Variants in LRRC37B observed in about 807,000 individuals in gnomAD.
LRRC37B encodes the protein leucine rich repeat containing 37B, also known as leucine-rich repeat-containing protein 37B.
LRRC37B carries 28 observed loss-of-function variants against 98.3 expected under a neutral mutation model. That is an observed-to-expected ratio of 0.28 (90% confidence interval 0.21 to 0.39). The LOEUF (loss-of-function observed/expected upper bound fraction) is 0.39. Among genes scored for constraint, LRRC37B ranks in the 10% least tolerant of loss-of-function variants. The probability of loss-of-function intolerance (pLI) is 1.00; values close to 1 mark genes in which losing one functional copy is unlikely to be tolerated. For missense variants in LRRC37B, 938 were observed against 1,182.7 expected (o/e 0.79, Z 3.03); for synonymous variants, 364 against 442.7 (o/e 0.82, Z 2.23).
upstream of LRRC37B, among the ~76,000 whole-genome samples, chr17:32,016,597 A>G (rs1350440149): frequency 6.6e-6 from 1 of 152,228 alleles, no homozygotes; most frequent in Non-Finnish European, 1.5e-5. Context: ...TTGCCTGCAC[A>G]TCAGAATTAT....
upstream of LRRC37B, chr17:32,007,876 G>T: frequency 9.4e-7 from 1 of 1,064,006 alleles, no homozygotes; most frequent in Non-Finnish European, 1.2e-6. The surrounding 1 kb of genome is among the most constrained non-coding windows in gnomAD (Gnocchi z 4.1). Context: ...GGGCCCGGCG[G>T]GGGCGCGGGG....
intron 8 of LRRC37B, among the ~76,000 whole-genome samples, chr17:32,046,599 C>CTT (rs796570580): frequency 0.08 from 10,339 of 128,532 alleles, 5 homozygotes; most frequent in African/African-American, 0.13. Flanking sequence ...TTCTTTTTTT[C>CTT]TTTTTTTTTT....
At chr17:32,014,909 A>C (rs1910617462) in intron 1 of LRRC37B, among the ~76,000 whole-genome samples, 1 of 152,166 alleles carries the variant, frequency 6.6e-6, no homozygotes, top group African/African-American at 2.4e-5. Context: ...AGGTGGGTGG[A>C]TCACTTGAGG....
rs1330198720 is a variant in LRRC37B at position 32,021,595 on chromosome 17, C to G, written c.530C>G (p.Pro177Arg). 24 of 1,614,146 alleles carry G rather than the reference C, an allele frequency of 1.5e-5. No individual in the cohort carries two copies. The East Asian group carries it at 5.1e-4, about 34-fold the overall frequency. The change falls in exon 1 of 12, where the codon CCT becomes CGT. Residue 177 changes from proline (P) to arginine (R), a missense_variant. Pro to Arg is a moderately radical substitution (Grantham distance 103). This residue lies in a region of LRRC37B where 610 missense variants were observed against 625.6 expected (regional missense o/e 0.98). Transcript: ENST00000327564. Reference sequence around the variant, plus strand: ...CAGAACCAGGCCCTAGTTCAGCTTCCTCGCCTCAAGTGGGTTCAAACTACA... The same window carrying G: ...CAGAACCAGGCCCTAGTTCAGCTTCGTCGCCTCAAGTGGGTTCAAACTACA...
chr17:32,012,721 A>C (rs1482096143), intron 1 of LRRC37B, among the ~76,000 whole-genome samples: 1 of 149,752 alleles, frequency 6.7e-6, no homozygotes, highest in Non-Finnish European at 1.5e-5. Context: ...ATCTCAAATA[A>C]ATACATACAT....
At chr17:32,021,638 A>C in exon 1 of LRRC37B, 1 of 1,614,256 alleles carries the variant, frequency 6.2e-7, no homozygotes, top group Non-Finnish European at 8.5e-7. Context: ...ATCGGGCTGC[A>C]GGTCATCAGG....
chr17:32,053,072 A>G, intron 11 of LRRC37B, 194 bp from the exon 15 acceptor site: 1 of 595,438 alleles, frequency 1.7e-6, no homozygotes. Flanking sequence ...TCCTAGAACC[A>G]GTCCTCTGCA....
chr17:32,043,061 T>TC (rs1911488782), intron 7 of LRRC37B, among the ~76,000 whole-genome samples: 1 of 151,940 alleles, frequency 6.6e-6, no homozygotes. Context: ...TGGTGAAGGG[T>TC]CATTATGTCT....
chr17:32,014,733 T>C (rs75810007), intron 1 of LRRC37B, among the ~76,000 whole-genome samples: 4 of 149,768 alleles, frequency 2.7e-5, no homozygotes, highest in African/African-American at 1.0e-4. Context: ...TAGATACATA[T>C]ATCTATATAC....
At chr17:32,044,108 A>G (rs550994722) in intron 7 of LRRC37B, among the ~76,000 whole-genome samples, 141 of 151,588 alleles carry the variant, frequency 9.3e-4, no homozygotes, top group African/African-American at 3.2e-3. Flanking sequence ...TGTATTCTTA[A>G]TGACCATGCT....
intron 1 of LRRC37B, among the ~76,000 whole-genome samples, chr17:32,015,872 C>T (rs1273099527): frequency 1.3e-5 from 2 of 152,104 alleles, no homozygotes; most frequent in Admixed American, 6.5e-5. Flanking sequence ...CATGGAGGAC[C>T]GTACAAAGTG....
intron 5 of LRRC37B, 75 bp from the exon 9 acceptor site, chr17:32,034,835 A>AAAATGAAT: frequency 8.4e-7 from 1 of 1,190,364 alleles, no homozygotes; most frequent in Non-Finnish European, 1.2e-6. Context: ...TCCATACCAA[A>AAAATGAAT]AAATGAATAT....
chr17:32,046,429 T>C (rs1598214186), intron 8 of LRRC37B, among the ~76,000 whole-genome samples: 1 of 152,288 alleles, frequency 6.6e-6, no homozygotes, highest in Admixed American at 6.5e-5. Context: ...TGCTCAAGTT[T>C]TTTCAAGAGT....
At chr17:32,050,874 T>C (rs1911736044) in intron 11 of LRRC37B, among the ~76,000 whole-genome samples, 1 of 152,180 alleles carries the variant, frequency 6.6e-6, no homozygotes, top group Non-Finnish European at 1.5e-5. Context: ...TCGCCTCTTT[T>C]TGCCTTTTGT....
chr17:32,023,432 C>G (rs1910860807), intron 1 of LRRC37B, among the ~76,000 whole-genome samples: 1 of 152,174 alleles, frequency 6.6e-6, no homozygotes, highest in Non-Finnish European at 1.5e-5. Context: ...CCGCTTCACC[C>G]TCTTTACAGC....
chr17:32,008,043 A>G (rs181849061), exon 1 of LRRC37B: 72 of 512,692 alleles, frequency 1.4e-4, no homozygotes, highest in African/African-American at 1.4e-3. Flanking sequence ...ATGGAGGAGG[A>G]CGACGATGAC....
upstream of LRRC37B, among the ~76,000 whole-genome samples, chr17:32,020,196 GGAA>G (rs1467140937): frequency 6.6e-6 from 1 of 152,150 alleles, no homozygotes; most frequent in African/African-American, 2.4e-5. Context: ...GCTAGGCACT[GGAA>G]GAAGATGAAG....
intron 7 of LRRC37B, among the ~76,000 whole-genome samples, chr17:32,037,343 G>A (rs1343724242): frequency 1.3e-5 from 2 of 151,580 alleles, no homozygotes; most frequent in Non-Finnish European, 2.9e-5. Flanking sequence ...TCAGCTCACT[G>A]CAACCTCGGC....
upstream of LRRC37B, chr17:32,020,864 A>G: frequency 1.1e-6 from 1 of 882,054 alleles, no homozygotes. Context: ...CCACCACAGC[A>G]GGCCGCTGGA....
Sources: allele counts gnomAD v4.1 joint callset (sites outside exome capture counted in the v4.1 genomes callset), GRCh38; gene constraint gnomAD v4.1.1; regional missense constraint gnomAD v4.1.1; non-coding constraint Gnocchi (gnomAD v3.1); transcripts MANE v1.5; gene names NCBI Gene and HGNC (gene_info 2026-07-23, HGNC 2026-07-21).